Variants in NSUN3 observed in about 807,000 individuals in gnomAD.
NSUN3 encodes NOP2/Sun RNA methyltransferase 3.
NSUN3 carries 24 observed loss-of-function variants against 36.8 expected under a neutral mutation model. The observed-to-expected ratio is 0.65, with a 90% CI of 0.47 to 0.92. The LOEUF (loss-of-function observed/expected upper bound fraction) is 0.92, where lower values mean the gene tolerates loss of function less well. Among genes scored for constraint, NSUN3 ranks in the 40% least tolerant of loss-of-function variants. The pLI is 0.00. For synonymous variants in NSUN3, 146 were observed against 145.2 expected (o/e 1.01, Z -0.04); for missense variants, 381 against 392.8 (o/e 0.97, Z 0.25).
intron 1 of NSUN3, 90 bp downstream of exon 1, chr3:94,063,228 G>A (rs2077188542): frequency 1.6e-6 from 2 of 1,268,894 alleles, no homozygotes; most frequent in Non-Finnish European, 2.3e-6. Context: ...TGGGATGGGG[G>A]AACATCACCT....
intron 2 of NSUN3, among the ~76,000 whole-genome samples, chr3:94,067,135 T>C (rs574215012): frequency 3.9e-4 from 60 of 152,298 alleles, no homozygotes; most frequent in Non-Finnish European, 6.9e-4. Context: ...GTCAATCATA[T>C]ATACGTGACC....
rs917226195 is a variant in NSUN3, at chr3:94,129,000, A to G, written c.*2510A>G. On this transcript the variant is annotated 3_prime_UTR_variant, in exon 6 of 6. Transcript: ENST00000314622. ...TAAAAAGTCAATAAAATAAAAAATA[A>G]CAGACGCTGATGAGGCTGTGGAGAA... Among the ~76,000 whole-genome samples the G allele has an allele frequency of 5.3e-5, 8 of 152,192 alleles. No homozygotes were observed. The highest frequency in any genetic ancestry group is 1.9e-4 in the African/African-American group (8 of 41,446).
In NSUN3 at chr3:94,084,411, G is replaced by A; in HGVS notation, c.427G>A (p.Gly143Arg). The change falls in exon 3 of 6, where the codon GGA becomes AGA. Residue 143 changes from glycine (G) to arginine (R), a missense_variant. Gly to Arg is a moderately radical substitution (Grantham distance 125, BLOSUM62 -2). Transcript: ENST00000314622. Reference protein sequence around the residue: ...EKVLDLCAAPGGKSIALLQCA... With the variant: ...EKVLDLCAAPRGKSIALLQCA... Reference sequence around the variant, plus strand: ...GGTTCTGGATCTCTGTGCTGCTCCTGGAGGGAAATCAATAGCTCTGCTGCA... The same window carrying A: ...GGTTCTGGATCTCTGTGCTGCTCCTAGAGGGAAATCAATAGCTCTGCTGCA... The A allele has an allele frequency of 6.2e-7, 1 of 1,614,046 alleles. No individual in the cohort carries two copies. The highest frequency in any genetic ancestry group is 1.1e-5 in the South Asian group (1 of 91,066).
chr3:94,120,376 C>T (rs1251666591), intron 5 of NSUN3, among the ~76,000 whole-genome samples: 1 of 152,294 alleles, frequency 6.6e-6, no homozygotes, highest in South Asian at 2.1e-4. Context: ...GAACTCTTTT[C>T]ATCTTTCAAA....
intron 5 of NSUN3, among the ~76,000 whole-genome samples, chr3:94,119,664 C>G (rs1172396980): frequency 6.6e-6 from 1 of 152,194 alleles, no homozygotes; most frequent in Non-Finnish European, 1.5e-5. Flanking sequence ...AAAATCTTAG[C>G]TATAAACCCT....
intron 2 of NSUN3, among the ~76,000 whole-genome samples, chr3:94,066,686 T>A (rs886673873): frequency 1.3e-5 from 2 of 152,184 alleles, no homozygotes; most frequent in African/African-American, 4.8e-5. Flanking sequence ...CTTTTATCAG[T>A]ATGCTGTCAT....
chr3:94,110,465 A>G (rs1342314692), intron 5 of NSUN3, among the ~76,000 whole-genome samples: 1 of 152,030 alleles, frequency 6.6e-6, no homozygotes, highest in African/African-American at 2.4e-5. Flanking sequence ...TTGGATTTCA[A>G]CACACAGAGA....
At chr3:94,098,838 G>C (rs1427979650) in intron 5 of NSUN3, among the ~76,000 whole-genome samples, 4 of 152,128 alleles carry the variant, frequency 2.6e-5, no homozygotes, top group African/African-American at 7.2e-5. Context: ...GACTTCCTAG[G>C]AGTGGGGTGG....
In NSUN3 at chr3:94,114,989, G is replaced by A. The variant is rs116683501; in HGVS notation, c.744-11222G>A. ...TGCTCTATTCTAGTTTAAAGAAAGT[G>A]TAAGAATTTCCTCATGGAGGAATAT... On this transcript the variant is annotated intron_variant, in intron 5 of 5. Coordinates refer to ENST00000314622, the MANE Select transcript of NSUN3 (RefSeq NM_022072.5). Among the ~76,000 whole-genome samples the A allele has an allele frequency of 5.2e-3, 788 of 152,038 alleles. 8 individuals carry two copies. Among genetic ancestry groups the A allele is most frequent in the African/African-American group, 0.017 (716 of 41,452 alleles).
chr3:94,111,104 TACA>T (rs1232565143), intron 5 of NSUN3, among the ~76,000 whole-genome samples: 3 of 152,200 alleles, frequency 2.0e-5, no homozygotes, highest in East Asian at 1.9e-4. Context: ...TATAAACCTG[TACA>T]ACAAGTTACT....
At chr3:94,079,656 C>G (rs895189967) in intron 2 of NSUN3, among the ~76,000 whole-genome samples, 2 of 152,038 alleles carry the variant, frequency 1.3e-5, no homozygotes, top group African/African-American at 4.8e-5. Flanking sequence ...AACTTGTCTT[C>G]TCACTTTATT....
chr3:94,076,577 G>C (rs561518042), intron 2 of NSUN3: 20 of 848,290 alleles, frequency 2.4e-5, no homozygotes, highest in Non-Finnish European at 4.1e-5. Flanking sequence ...CGGGTAGATG[G>C]TGTGATCATC....
At position 94,084,061 on chromosome 3, in the gene NSUN3, A is replaced by G. The variant is rs761120855; in HGVS notation, c.123-46A>G. On this transcript the variant is annotated intron_variant, in intron 2 of 5. Coordinates refer to ENST00000314622, the MANE Select transcript of NSUN3 (RefSeq NM_022072.5). ...ATTCGTAATATAAAATTGTATTGGT[A>G]TGTATCATATTAATATTCTCTTATT... 62 of 1,328,638 alleles carry G rather than the reference A, an allele frequency of 4.7e-5. No homozygotes were observed. In the Admixed American group the frequency reaches 1.1e-3, roughly 23 times the overall value. 82.3% of individuals were successfully genotyped at this position (1,328,638 alleles called of 1,614,324 possible).
At chr3:94,069,828 A>G (rs1467655398) in intron 2 of NSUN3, among the ~76,000 whole-genome samples, 1 of 152,210 alleles carries the variant, frequency 6.6e-6, no homozygotes, top group African/African-American at 2.4e-5. Context: ...AAGGAGAAAA[A>G]TAAGTCAAGG....
intron 5 of NSUN3, among the ~76,000 whole-genome samples, chr3:94,102,521 A>G (rs2077370479): frequency 1.3e-5 from 2 of 152,190 alleles, no homozygotes; most frequent in Admixed American, 6.5e-5. Flanking sequence ...ATTAACTACT[A>G]CAATTACTAC....
rs551444211 is a variant in NSUN3 at position 94,130,455 on chromosome 3, A to C, written c.*3965A>C. Among the ~76,000 whole-genome samples, 1 of 152,354 alleles carries C rather than the reference A, an allele frequency of 6.6e-6. No individual in the cohort carries two copies. Among genetic ancestry groups the C allele is most frequent in the East Asian group, 1.9e-4 (1 of 5,194 alleles). On this transcript the variant is annotated 3_prime_UTR_variant, in exon 6 of 6. Coordinates refer to ENST00000314622, the MANE Select transcript of NSUN3 (RefSeq NM_022072.5). ...GTGCATCCTTAGAAAACTGAAAATA[A>C]CAAAAACCCAGGACATTTTTGGAAA...
rs546689283 is a variant in NSUN3 at position 94,076,982 on chromosome 3, G to A, written c.123-7125G>A. On this transcript the variant is annotated intron_variant, in intron 2 of 5. Transcript: ENST00000314622. ...TGTGTGTGTGTACCCAGGACAAGTC[G>A]ATGAATGCTGAAATCTTTCCCTTCT... is the stretch of plus-strand genomic sequence containing the variant. The A allele has an allele frequency of 9.9e-5, 92 of 931,634 alleles. 1 individual carries two copies. Among genetic ancestry groups the A allele is most frequent in the South Asian group, 5.7e-4 (44 of 77,180 alleles). 57.7% of individuals were successfully genotyped at this position (931,634 alleles called of 1,614,324 possible).
intron 5 of NSUN3, among the ~76,000 whole-genome samples, chr3:94,118,879 C>T (rs1011718542): frequency 1.6e-4 from 25 of 151,984 alleles, no homozygotes; most frequent in African/African-American, 5.6e-4. Flanking sequence ...TGTTTTGCCA[C>T]CTCCAGAATT....
chr3:94,120,172 C>G (rs755952674), intron 5 of NSUN3, among the ~76,000 whole-genome samples: 1 of 152,204 alleles, frequency 6.6e-6, no homozygotes, highest in South Asian at 2.1e-4. Flanking sequence ...CCAAAATAGT[C>G]ATTTTCATGG....
Sources: allele counts gnomAD v4.1 joint callset (sites outside exome capture counted in the v4.1 genomes callset), GRCh38; gene constraint gnomAD v4.1.1; transcripts MANE v1.5; gene names NCBI Gene and HGNC (gene_info 2026-07-23, HGNC 2026-07-21).